Variants in CHST11 observed in about 807,000 individuals in gnomAD.
CHST11 encodes the protein carbohydrate sulfotransferase 11, also known as C4S-1.
CHST11 carries 9 observed loss-of-function variants against 30.4 expected under a neutral mutation model. The ratio of observed to expected loss-of-function variants is 0.30; its 90% confidence interval spans 0.18 to 0.52. CHST11 has a LOEUF of 0.52. Ranked by LOEUF, CHST11 falls within the 20% of genes least tolerant of loss-of-function variation. CHST11 has a pLI of 0.97. For synonymous variants in CHST11, 152 were observed against 187.8 expected, an observed-to-expected ratio of 0.81 and a Z score of 1.56; for missense variants, 348 against 460.6, an observed-to-expected ratio of 0.76 and a Z score of 2.24.
chr12:104,526,752 A>G (rs1234759862), intron 1 of CHST11, among the ~76,000 whole-genome samples: 1 of 152,200 alleles, frequency 6.6e-6, no homozygotes, highest in Non-Finnish European at 1.5e-5. Flanking sequence ...GAACCCTGGC[A>G]GGTTTTGGGA....
At chr12:104,531,640 C>G (rs1049822322) in intron 1 of CHST11, among the ~76,000 whole-genome samples, 1 of 152,100 alleles carries the variant, frequency 6.6e-6, no homozygotes, top group African/African-American at 2.4e-5. Context: ...GGGAATTCCT[C>G]TCATTCATTT....
intron 1 of CHST11, among the ~76,000 whole-genome samples, chr12:104,467,824 T>G (rs569706362): frequency 6.6e-6 from 1 of 152,310 alleles, no homozygotes; most frequent in African/African-American, 2.4e-5. Flanking sequence ...CACTTAACAT[T>G]TCTTAACGGT....
chr12:104,636,441 A>T (rs1369542936), intron 2 of CHST11, among the ~76,000 whole-genome samples: 2 of 152,200 alleles, frequency 1.3e-5, no homozygotes, highest in African/African-American at 4.8e-5. Flanking sequence ...TCAGCCTCTG[A>T]GGAGCTCGAA....
chr12:104,569,259 A>G (rs2038599477), intron 1 of CHST11, among the ~76,000 whole-genome samples: 1 of 152,220 alleles, frequency 6.6e-6, no homozygotes, highest in African/African-American at 2.4e-5. Context: ...AGGAATAGAG[A>G]ACCCTCCTGG....
At chr12:104,734,119 G>A (rs2040279301) in intron 2 of CHST11, among the ~76,000 whole-genome samples, 2 of 152,260 alleles carry the variant, frequency 1.3e-5, no homozygotes, top group African/African-American at 4.8e-5. Flanking sequence ...TGCTTATTGA[G>A]AGGTACCTGG....
At chr12:104,609,668 G>A (rs902358264) in intron 2 of CHST11, among the ~76,000 whole-genome samples, 4 of 152,144 alleles carry the variant, frequency 2.6e-5, no homozygotes, top group African/African-American at 9.7e-5. Context: ...TTGGTTATCT[G>A]TAAAATCAGA....
chr12:104,535,831 A>T (rs2038231256), intron 1 of CHST11, among the ~76,000 whole-genome samples: 1 of 152,250 alleles, frequency 6.6e-6, no homozygotes, highest in Non-Finnish European at 1.5e-5. Flanking sequence ...ACATGTATTT[A>T]TGCATAGACA....
intron 2 of CHST11, among the ~76,000 whole-genome samples, chr12:104,611,999 G>A (rs184014357): frequency 9.3e-4 from 141 of 152,268 alleles, no homozygotes; most frequent in African/African-American, 3.2e-3. Flanking sequence ...ACCCTCTCTC[G>A]CCGCTTAGCC....
chr12:104,755,362 A>G (rs1409032777), intron 2 of CHST11, among the ~76,000 whole-genome samples: 1 of 152,160 alleles, frequency 6.6e-6, no homozygotes, highest in African/African-American at 2.4e-5. Context: ...TGGCCACAGG[A>G]GTTGAGAAAA....
At chr12:104,621,609 A>T (rs1384416798) in intron 2 of CHST11, among the ~76,000 whole-genome samples, 1 of 152,210 alleles carries the variant, frequency 6.6e-6, no homozygotes, top group African/African-American at 2.4e-5. Flanking sequence ...TGTTGTGAGG[A>T]TGGAAGCAGA....
chr12:104,634,952 G>A lies in CHST11; in HGVS notation c.204+32961G>A, dbSNP rs1428985572. Among the ~76,000 whole-genome samples, 3 of 152,174 alleles carry A rather than the reference G, an allele frequency of 2.0e-5. No individual in the cohort carries two copies. In the East Asian group the frequency reaches 5.8e-4, roughly 29 times the overall value. The stretch of plus-strand genomic sequence containing the variant: ...ATTCATCAAGGGAAGGAGGGAGGAA[G>A]GGAGGGAGGGATTGGGGCCAGGACT... On this transcript the variant is annotated intron_variant, in intron 2 of 2. Transcript: ENST00000303694.
Position 104,481,780 on chromosome 12 carries a change from TTTCC to T in CHST11, c.118+24273_118+24276del, listed in dbSNP as rs367579893. 1.1e-3 allele frequency among the ~76,000 whole-genome samples: 173 copies of T among 150,806 alleles called. 2 individuals are homozygous for T. Among genetic ancestry groups the T allele is most frequent in the Middle Eastern group, 0.01 (3 of 292 alleles). On this transcript the variant is annotated intron_variant, in intron 1 of 2. Coordinates refer to ENST00000303694, the MANE Select transcript of CHST11 (RefSeq NM_018413.6). Reference sequence around the variant, plus strand: ...GTAAATAGGACTGTTTCCTTCCTTCTTTCCTTCCTTCCTTCCTTCCTTCCTCTCT... The same window carrying T: ...GTAAATAGGACTGTTTCCTTCCTTCTTTCCTTCCTTCCTTCCTTCCTCTCT...
chr12:104,677,750 C>T (rs2039755795), intron 2 of CHST11, among the ~76,000 whole-genome samples: 2 of 152,348 alleles, frequency 1.3e-5, no homozygotes, highest in Admixed American at 1.3e-4. Flanking sequence ...TACCATGTTG[C>T]CAAGACGGGC....
At chr12:104,470,863 T>C (rs889078774) in intron 1 of CHST11, among the ~76,000 whole-genome samples, 9 of 152,328 alleles carry the variant, frequency 5.9e-5, no homozygotes, top group Non-Finnish European at 1.3e-4. Flanking sequence ...CATCTCCATG[T>C]TCTTGGTTTC....
At chr12:104,539,216 A>G (rs1177263467) in intron 1 of CHST11, among the ~76,000 whole-genome samples, 1 of 152,162 alleles carries the variant, frequency 6.6e-6, no homozygotes, top group African/African-American at 2.4e-5. Flanking sequence ...CACCACAGCC[A>G]TATTGTTTAT....
chr12:104,473,235 T>TA (rs944991826), intron 1 of CHST11, among the ~76,000 whole-genome samples: 1 of 152,184 alleles, frequency 6.6e-6, no homozygotes, highest in African/African-American at 2.4e-5. Context: ...CATGAACGAC[T>TA]AAAGTGCAAA....
chr12:104,680,088 A>G (rs1030152816), intron 2 of CHST11, among the ~76,000 whole-genome samples: 7 of 152,224 alleles, frequency 4.6e-5, no homozygotes, highest in African/African-American at 1.7e-4. Context: ...TGCTGTGTGC[A>G]GGGGTTTTGG....
intron 1 of CHST11, among the ~76,000 whole-genome samples, chr12:104,553,806 G>A (rs979031018): frequency 2.0e-5 from 3 of 152,158 alleles, no homozygotes. Flanking sequence ...ATAACAAATT[G>A]TCACAAATCT....
At chr12:104,632,255 G>C (rs1470803916) in intron 2 of CHST11, among the ~76,000 whole-genome samples, 1 of 152,132 alleles carries the variant, frequency 6.6e-6, no homozygotes, top group Admixed American at 6.5e-5. Flanking sequence ...CACCACTTCA[G>C]AAGAGCACAG....
Sources: gnomAD v4.1 joint callset for allele counts (sites outside exome capture counted in the v4.1 genomes callset) on GRCh38, gnomAD v4.1.1 for gene constraint, MANE v1.5 for transcripts, NCBI Gene and HGNC (gene_info 2026-07-23, HGNC 2026-07-21) for gene names.